The following ADGRL3 variants were observed in gnomAD, a reference collection of about 807,000 sequenced individuals.
ADGRL3 encodes adhesion G protein-coupled receptor L3, also known as calcium-independent alpha-latrotoxin receptor 3.
A neutral mutation model predicts 153.5 loss-of-function variants in ADGRL3; 62 were observed. That is an observed-to-expected ratio of 0.40 (90% CI 0.33 to 0.50). ADGRL3 has a LOEUF of 0.50. Among genes scored for constraint, ADGRL3 ranks in the 20% least tolerant of loss-of-function variants. The pLI is 0.47. For synonymous variants in ADGRL3, 710 were observed against 672.5 expected, an observed-to-expected ratio of 1.06 and a Z score of -0.86; for missense variants, 1,641 against 1,859.4, an observed-to-expected ratio of 0.88 and a Z score of 2.16.
chr4:61,776,901 T>G (rs1580774841), intron 8 of ADGRL3, among the ~76,000 whole-genome samples: 1 of 152,062 alleles, frequency 6.6e-6, no homozygotes, highest in Non-Finnish European at 1.5e-5. Flanking sequence ...GATCACTTAC[T>G]AAGTGTGTCA....
intron 6 of ADGRL3, among the ~76,000 whole-genome samples, chr4:61,714,994 T>C (rs567047625): frequency 2.4e-4 from 37 of 152,268 alleles, no homozygotes; most frequent in African/African-American, 8.9e-4. Flanking sequence ...AATCAATAAG[T>C]ATTTCAAGTA....
At chr4:61,268,220 A>G (rs772378220) in intron 1 of ADGRL3, among the ~76,000 whole-genome samples, 4 of 151,664 alleles carry the variant, frequency 2.6e-5, no homozygotes, top group Admixed American at 1.3e-4. Context: ...AAGCTAACTA[A>G]TTGCTTCAAT....
At position 62,070,535 on chromosome 4, in the gene ADGRL3, C is replaced by T; in HGVS notation, c.4259C>T (p.Thr1420Ile). 2 of 1,551,278 alleles carry T rather than the reference C, an allele frequency of 1.3e-6. No homozygotes were observed. Among genetic ancestry groups the T allele is most frequent in the Non-Finnish European group, 1.7e-6 (2 of 1,146,876 alleles). Residue 1420 changes from threonine to isoleucine, a missense_variant, in exon 27 of 27, where the codon ACC becomes ATC. By Grantham distance (89) the Thr-to-Ile change is moderately conservative. Coordinates refer to ENST00000683033, the MANE Select transcript of ADGRL3 (RefSeq NM_001387552.1). Reference protein sequence around the residue: ...STENHQPHHYTRRRIPQDHSE... With the variant: ...STENHQPHHYIRRRIPQDHSE... Reference sequence around the variant, plus strand: ...GAGAACCACCAGCCACACCATTATACCAGAAGGCGGATCCCCCAAGACCAC... The same window carrying T: ...GAGAACCACCAGCCACACCATTATATCAGAAGGCGGATCCCCCAAGACCAC...
intron 4 of ADGRL3, among the ~76,000 whole-genome samples, chr4:61,585,294 C>T (rs979353709): frequency 6.6e-6 from 1 of 152,042 alleles, no homozygotes; most frequent in Middle Eastern, 3.4e-3. Flanking sequence ...TGGTACAGTC[C>T]TACTTTTTCA....
Position 61,248,797 on chromosome 4 carries a change from C to T in ADGRL3, c.-240+47032C>T, listed in dbSNP as rs202223506. ...AATTTATTTTACAGTTCCACCTAAC[C>T]AGGCTTCTGGACTGAAAGGAAGGGA... On this transcript the variant is annotated intron_variant, in intron 1 of 26. Transcript: ENST00000683033. 5.3e-5 allele frequency among the ~76,000 whole-genome samples: 8 copies of T among 152,098 alleles called. No homozygotes were observed. In the East Asian group the frequency reaches 1.5e-3, roughly 29 times the overall value.
chr4:61,859,368 A>C (rs942750208), intron 9 of ADGRL3, among the ~76,000 whole-genome samples: 1 of 152,206 alleles, frequency 6.6e-6, no homozygotes, highest in Non-Finnish European at 1.5e-5. Flanking sequence ...GTAATAATAA[A>C]AATATCTGTA....
At chr4:61,748,532 T>A (rs1172813187) in intron 8 of ADGRL3, among the ~76,000 whole-genome samples, 2 of 151,938 alleles carry the variant, frequency 1.3e-5, no homozygotes, top group East Asian at 1.9e-4. Flanking sequence ...ATGGAACAGA[T>A]CAGAGCCCTC....
intron 2 of ADGRL3, among the ~76,000 whole-genome samples, chr4:61,456,440 GATATAT>G (rs2097752932): frequency 2.0e-5 from 2 of 97,856 alleles, no homozygotes; most frequent in South Asian, 3.4e-4. Flanking sequence ...TATATATATA[GATATAT>G]CTATATCTAT....
intron 21 of ADGRL3, 113 bp from the exon 22 acceptor site, chr4:62,028,742 G>C (rs918167957): frequency 4.4e-6 from 3 of 677,362 alleles, no homozygotes; most frequent in Non-Finnish European, 7.4e-6. Flanking sequence ...ATTTCTTTTA[G>C]GGAGGTGGGG....
intron 4 of ADGRL3, among the ~76,000 whole-genome samples, chr4:61,552,765 C>T (rs566156393): frequency 5.9e-5 from 9 of 152,252 alleles, no homozygotes; most frequent in Non-Finnish European, 1.3e-4. Context: ...CACCGTGTCC[C>T]ATCAGCCTTT....
chr4:61,642,893 C>G (rs888067323), intron 5 of ADGRL3, among the ~76,000 whole-genome samples: 1 of 152,164 alleles, frequency 6.6e-6, no homozygotes, highest in Non-Finnish European at 1.5e-5. Flanking sequence ...TGGCCATTTT[C>G]ACGATATTGA....
At chr4:61,621,010 C>G (rs2092470578) in intron 5 of ADGRL3, among the ~76,000 whole-genome samples, 1 of 151,878 alleles carries the variant, frequency 6.6e-6, no homozygotes, top group African/African-American at 2.4e-5. Context: ...ATTTTATCGG[C>G]TTATTTGTTA....
At position 62,023,710 on chromosome 4, in the gene ADGRL3, T is replaced by A. The variant is rs574760858; in HGVS notation, c.3396-5145T>A. On this transcript the variant is annotated intron_variant, in intron 21 of 26. Transcript: ENST00000683033. ...GCTGAAGCCTCAGAATATGGTAACT[T>A]TTTTTTAACAATAAAGTATTTTTAA... Among the ~76,000 whole-genome samples the A allele has an allele frequency of 2.6e-5, 4 of 152,240 alleles. No homozygotes were observed. The South Asian group carries it at 6.2e-4, about 24-fold the overall frequency.
At chr4:61,344,001 C>T (rs530687349) in intron 1 of ADGRL3, among the ~76,000 whole-genome samples, 1 of 152,294 alleles carries the variant, frequency 6.6e-6, no homozygotes, top group East Asian at 1.9e-4. Flanking sequence ...CTCCATAATT[C>T]AGTGAGATGG....
At chr4:61,619,889 A>G (rs1174268459) in intron 5 of ADGRL3, among the ~76,000 whole-genome samples, 2 of 152,188 alleles carry the variant, frequency 1.3e-5, no homozygotes, top group African/African-American at 4.8e-5. Flanking sequence ...GCTAAGCAAA[A>G]ATGTGCAGCT....
At position 61,332,607 on chromosome 4, in the gene ADGRL3, G is replaced by A. The variant is rs139492710; in HGVS notation, c.-239-50517G>A. On this transcript the variant is annotated intron_variant, in intron 1 of 26. Transcript: ENST00000683033. ...ATAATAATTTATAGTGTGTTTTCTC[G>A]TGATTTATCTTTTTCTCTGAAAAAC... Among the ~76,000 whole-genome samples, 51 of 152,094 alleles carry A rather than the reference G, an allele frequency of 3.4e-4. No homozygotes were observed. In the East Asian group the frequency reaches 6.0e-3, roughly 18 times the overall value.
At position 62,076,679 on chromosome 4, in the gene ADGRL3, C is replaced by G. The variant is rs908499450; in HGVS notation, c.*5771C>G. 2 of 151,892 alleles carry G rather than the reference C, an allele frequency of 1.3e-5. No individual in the cohort carries two copies. Among genetic ancestry groups the G allele is most frequent in the Non-Finnish European group, 2.9e-5 (2 of 67,854 alleles). 9.4% of individuals were successfully genotyped at this position (151,892 alleles called of 1,614,324 possible). A position where few individuals can be genotyped will look rare whatever the true frequency, so the allele number is the denominator to read the frequency against. On this transcript the variant is annotated 3_prime_UTR_variant, in exon 27 of 27. Coordinates refer to ENST00000683033, the MANE Select transcript of ADGRL3 (RefSeq NM_001387552.1). Reference sequence around the variant, plus strand: ...CTAATTCCACGGGAAACATTAAATACTTTAAACACTCTTGAGATATTTCGT... The same window carrying G: ...CTAATTCCACGGGAAACATTAAATAGTTTAAACACTCTTGAGATATTTCGT...
intron 1 of ADGRL3, among the ~76,000 whole-genome samples, chr4:61,314,008 C>A (rs2095111972): frequency 6.6e-6 from 1 of 152,084 alleles, no homozygotes; most frequent in Admixed American, 6.6e-5. Flanking sequence ...AATCCAGAAA[C>A]ACAGGGAGAA....
chr4:61,752,656 GCA>G (rs2096771351), intron 8 of ADGRL3, among the ~76,000 whole-genome samples: 2 of 151,762 alleles, frequency 1.3e-5, no homozygotes, highest in Admixed American at 6.5e-5. Flanking sequence ...TGCTGGCTGG[GCA>G]CAGAGGCTCA....
Sources: allele counts gnomAD v4.1 joint callset (sites outside exome capture counted in the v4.1 genomes callset), GRCh38; gene constraint gnomAD v4.1.1; transcripts MANE v1.5; gene names NCBI Gene and HGNC (gene_info 2026-07-23, HGNC 2026-07-21).